Variants in TAF1 observed in about 807,000 individuals in gnomAD.
The protein encoded by TAF1 is transcription initiation factor TFIID subunit 1.
TAF1 carries 2 observed loss-of-function variants against 138.5 expected under a neutral mutation model. That is an observed-to-expected ratio of 0.01 (90% CI 0.01 to 0.05). The LOEUF (loss-of-function observed/expected upper bound fraction) is 0.05, where lower values mean the gene tolerates loss of function less well. Among genes scored for constraint, TAF1 ranks in the 10% least tolerant of loss-of-function variants. TAF1 has a pLI of 1.00. For synonymous variants in TAF1, 437 were observed against 503.2 expected, an observed-to-expected ratio of 0.87 and a Z score of 1.76; for missense variants, 709 against 1,478.0, an observed-to-expected ratio of 0.48 and a Z score of 8.53.
chrX:71,510,618 G>A (rs757351402), intron 13 of TAF1, among the ~76,000 whole-genome samples: 11 of 112,255 alleles, frequency 9.8e-5, no homozygotes, highest in Non-Finnish European at 2.1e-4. Context: ...TCAGGTGTCT[G>A]TAGAACATTC....
At chrX:71,515,646 G>A (rs1441273785) in intron 13 of TAF1, among the ~76,000 whole-genome samples, 2 of 111,061 alleles carry the variant, frequency 1.8e-5, no homozygotes, top group Non-Finnish European at 3.8e-5. Context: ...ATATGAAACC[G>A]ACAGACCCTC....
intron 13 of TAF1, among the ~76,000 whole-genome samples, chrX:71,479,484 A>T (rs891265977): frequency 9.0e-6 from 1 of 111,496 alleles, no homozygotes; most frequent in African/African-American, 3.3e-5. Context: ...AGACAGGAGA[A>T]TCTCTTGAAC....
rs773557452 is a variant in TAF1, at chrX:71,392,936, G to A, written c.2993G>A (p.Arg998His). 8.3e-7 allele frequency: 1 copy of A among 1,209,284 alleles called. No individual in the cohort carries two copies. Among genetic ancestry groups the A allele is most frequent in the African/African-American group, 1.8e-5 (1 of 56,985 alleles). ...ACAGGAACAGATGCAGACCTTCGTC[G>A]CCTTTCCCTGAAAAATGCCAAGCAA... Reference protein sequence around the residue: ...TVTGTDADLRRLSLKNAKQLL... With the variant: ...TVTGTDADLRHLSLKNAKQLL... The change falls in exon 20 of 38, where the codon CGC becomes CAC. Residue 998 changes from arginine to histidine, a missense_variant. Around this residue, in one of 14 missense-constraint regions of TAF1, gnomAD observed 31 missense variants for 140.4 expected, o/e 0.22. Transcript: ENST00000423759.
At chrX:71,460,012 G>A (rs976051007) in intron 36 of TAF1, among the ~76,000 whole-genome samples, 4 of 112,242 alleles carry the variant, frequency 3.6e-5, no homozygotes, top group African/African-American at 1.3e-4. Context: ...GCCAAGGTAG[G>A]AGGAACACTT....
chrX:71,387,933 CAAAA>C (rs370531040), intron 15 of TAF1, among the ~76,000 whole-genome samples: 2 of 85,353 alleles, frequency 2.3e-5, no homozygotes, highest in Admixed American at 1.3e-4. Context: ...AACTCAGTCT[CAAAA>C]AAAAAAAAAA....
rs776321706 is a variant in TAF1, at chrX:71,456,649, C to CTTTTTTT, written c.4939-1555_4939-1549dup. Among the ~76,000 whole-genome samples the CTTTTTTT allele has an allele frequency of 4.4e-3, 118 of 26,824 alleles. 27 individuals carry two copies. The highest frequency in any genetic ancestry group is 5.0e-3 in the Non-Finnish European group (79 of 15,748). The allele number at this position is 26,824 out of a possible 115,157, so 23.3% of individuals were successfully genotyped here. A position where few individuals can be genotyped will look rare whatever the true frequency, so the allele number is the denominator to read the frequency against. On this transcript the variant is annotated intron_variant, in intron 34 of 37. Transcript: ENST00000423759. ...ATGGTGGTGGTCAATAATGTATTTTCTTTTTTTTTTTTTTTTTTTTTTTTT... is the reference window on the plus strand; with the variant it reads ...ATGGTGGTGGTCAATAATGTATTTTCTTTTTTTTTTTTTTTTTTTTTTTTTTTTTTTT...
At chrX:71,529,158 G>A (rs1166812920) in intron 14 of TAF1, among the ~76,000 whole-genome samples, 3 of 109,144 alleles carry the variant, frequency 2.7e-5, no homozygotes, top group Admixed American at 9.8e-5. Context: ...TGCAACCTCC[G>A]CCTCCTGGGT....
chrX:71,385,674 T>C (rs2034172415), intron 14 of TAF1, among the ~76,000 whole-genome samples: 1 of 111,713 alleles, frequency 9.0e-6, no homozygotes, highest in African/African-American at 3.3e-5. Flanking sequence ...TTTATTCTAC[T>C]GTTGTTGTTG....
exon 15 of TAF1, chrX:71,530,076 G>C: frequency 5.8e-6 from 1 of 172,176 alleles, no homozygotes. Context: ...TATCACAGGT[G>C]GCCATATCTT....
intron 28 of TAF1, among the ~76,000 whole-genome samples, chrX:71,410,598 C>T (rs1371910557): frequency 9.3e-6 from 1 of 107,802 alleles, no homozygotes; most frequent in Non-Finnish European, 1.9e-5. Flanking sequence ...GCTGGGACTA[C>T]AGGCGCCAGC....
At chrX:71,444,251 G>C (rs1383198039) in intron 32 of TAF1, among the ~76,000 whole-genome samples, 1 of 112,144 alleles carries the variant, frequency 8.9e-6, no homozygotes, top group African/African-American at 3.2e-5. Context: ...CAAGTGATCT[G>C]CCTTCCTCAG....
chrX:71,400,151 G>A (rs1404902550), intron 24 of TAF1, among the ~76,000 whole-genome samples: 1 of 109,777 alleles, frequency 9.1e-6, no homozygotes, highest in African/African-American at 3.3e-5. Flanking sequence ...GTGCAATGGT[G>A]TGATCTCCAC....
At chrX:71,493,152 G>A (rs1392498348) in intron 13 of TAF1, among the ~76,000 whole-genome samples, 1 of 110,728 alleles carries the variant, frequency 9.0e-6, no homozygotes, top group African/African-American at 3.3e-5. Context: ...CCAAATAGCT[G>A]GGACAATAGG....
intron 13 of TAF1, among the ~76,000 whole-genome samples, chrX:71,488,819 C>A (rs914960825): frequency 9.1e-6 from 1 of 110,291 alleles, no homozygotes; most frequent in Non-Finnish European, 1.9e-5. Flanking sequence ...GTAATCCCAG[C>A]ACTTTGGGAG....
chrX:71,462,565 A>G (rs1254627716), intron 37 of TAF1, among the ~76,000 whole-genome samples: 1 of 111,402 alleles, frequency 9.0e-6, no homozygotes, highest in African/African-American at 3.3e-5. Context: ...AGCAAGACTC[A>G]GTCTCAAAAT....
At chrX:71,393,223 TTTG>T (rs1267495438) in intron 20 of TAF1, 75 bp from the exon 21 acceptor site, 1,185 of 1,094,952 alleles carry the variant, frequency 1.1e-3, no homozygotes, top group Middle Eastern at 4.7e-3. Flanking sequence ...CCCTGAATGA[TTTG>T]TGTGTGTGTG....
chrX:71,482,645 G>C (rs2039091526), intron 13 of TAF1, among the ~76,000 whole-genome samples: 1 of 112,399 alleles, frequency 8.9e-6, no homozygotes, highest in South Asian at 3.6e-4. Context: ...TAATATTTTT[G>C]CTGGTGGAGG....
chrX:71,504,741 CAAA>C (rs41370846), intron 13 of TAF1, among the ~76,000 whole-genome samples: 10 of 5,694 alleles, frequency 1.8e-3, no homozygotes, highest in African/African-American at 4.3e-3. Flanking sequence ...GACCCTGTCT[CAAA>C]AAAAAAAAAA....
At chrX:71,510,484 GA>G (rs1410286462) in intron 13 of TAF1, among the ~76,000 whole-genome samples, 2 of 111,954 alleles carry the variant, frequency 1.8e-5, no homozygotes, top group Non-Finnish European at 3.8e-5. Context: ...TCCATATATA[GA>G]AAAGCTTTTC....
Sources: allele counts gnomAD v4.1 joint callset (sites outside exome capture counted in the v4.1 genomes callset), GRCh38; gene constraint gnomAD v4.1.1; regional missense constraint gnomAD v4.1.1; transcripts MANE v1.5; gene names NCBI Gene and HGNC (gene_info 2026-07-23, HGNC 2026-07-21).